The following CACHD1 variants were observed in gnomAD, a reference collection of about 807,000 sequenced individuals.
The protein encoded by CACHD1 is VWFA and cache domain-containing protein 1.
In CACHD1, 71 loss-of-function variants were observed where a neutral mutation model predicts 138.7. The observed-to-expected ratio is 0.51, with a 90% CI of 0.42 to 0.62. The LOEUF (loss-of-function observed/expected upper bound fraction) is 0.62. CACHD1 is among the 20% of genes least tolerant of loss of function. The pLI is 0.00. For synonymous variants in CACHD1, 578 were observed against 591.5 expected (o/e 0.98, Z 0.33); for missense variants, 1,389 against 1,625.3 (o/e 0.85, Z 2.50).
At chr1:64,632,571 G>A in intron 5 of CACHD1, 28 bp from the exon 6 acceptor site, 1 of 1,612,444 alleles carries the variant, frequency 6.2e-7, no homozygotes, top group Non-Finnish European at 8.5e-7. Context: ...AACCAAGACT[G>A]ACCCCAGAGA....
intron 1 of CACHD1, among the ~76,000 whole-genome samples, chr1:64,526,997 A>ATCTGTAGC (rs1646544665): frequency 6.6e-6 from 1 of 152,208 alleles, no homozygotes; most frequent in Non-Finnish European, 1.5e-5. Context: ...TATACGTTTG[A>ATCTGTAGC]TCTGTAGCGA....
At chr1:64,674,020 C>T (rs1249239584) in intron 19 of CACHD1, among the ~76,000 whole-genome samples, 1 of 152,030 alleles carries the variant, frequency 6.6e-6, no homozygotes, top group Non-Finnish European at 1.5e-5. Flanking sequence ...TATAAATAAT[C>T]CTAGTTGGGA....
At chr1:64,516,551 C>T (rs1367930824) in intron 1 of CACHD1, among the ~76,000 whole-genome samples, 1 of 152,122 alleles carries the variant, frequency 6.6e-6, no homozygotes, top group Non-Finnish European at 1.5e-5. Flanking sequence ...AAAGGAATGA[C>T]CAAATGATGA....
At chr1:64,558,022 C>T (rs1646811576) in intron 2 of CACHD1, among the ~76,000 whole-genome samples, 1 of 152,122 alleles carries the variant, frequency 6.6e-6, no homozygotes, top group Non-Finnish European at 1.5e-5. Context: ...TTTTCTCGAA[C>T]TCCTGACCTT....
intron 2 of CACHD1, among the ~76,000 whole-genome samples, chr1:64,552,863 T>C (rs1044908599): frequency 2.0e-5 from 3 of 152,256 alleles, no homozygotes; most frequent in African/African-American, 7.2e-5. Flanking sequence ...AAACTGTCTT[T>C]ATCTGAATAA....
intron 6 of CACHD1, 120 bp from the exon 7 acceptor site, chr1:64,633,924 C>T (rs1277715720): frequency 8.7e-6 from 6 of 686,198 alleles, no homozygotes; most frequent in Non-Finnish European, 1.2e-5. Flanking sequence ...TATTTTGAAA[C>T]TCTCAGAATC....
chr1:64,562,409 CTTTTTTT>C (rs55746551), intron 2 of CACHD1, among the ~76,000 whole-genome samples: 10 of 109,922 alleles, frequency 9.1e-5, no homozygotes, highest in Middle Eastern at 4.8e-3. Flanking sequence ...GCAGAATTTC[CTTTTTTT>C]TTTTTTTTTT....
intron 1 of CACHD1, among the ~76,000 whole-genome samples, chr1:64,512,351 A>G (rs987414726): frequency 1.4e-5 from 2 of 143,998 alleles, no homozygotes; most frequent in Non-Finnish European, 3.0e-5. Flanking sequence ...CTGAGATTGC[A>G]CCACTGCACT....
intron 7 of CACHD1, among the ~76,000 whole-genome samples, chr1:64,635,680 C>A (rs1420584585): frequency 6.6e-6 from 1 of 151,734 alleles, no homozygotes; most frequent in Non-Finnish European, 1.5e-5. Flanking sequence ...CACGCCTGGC[C>A]TCTAATTTAA....
intron 4 of CACHD1, among the ~76,000 whole-genome samples, chr1:64,625,627 AG>A (rs1369659214): frequency 9.4e-5 from 13 of 138,630 alleles, no homozygotes; most frequent in African/African-American, 4.1e-4. Flanking sequence ...ACTCAGTCTC[AG>A]AAAAAAAAAA....
chr1:64,662,213 T>G (rs1356191722), intron 13 of CACHD1, among the ~76,000 whole-genome samples: 3 of 152,240 alleles, frequency 2.0e-5, no homozygotes, highest in Non-Finnish European at 4.4e-5. Context: ...TACATGCTTT[T>G]GGCAGAGATT....
At chr1:64,536,391 T>C (rs980836067) in intron 1 of CACHD1, among the ~76,000 whole-genome samples, 1 of 152,210 alleles carries the variant, frequency 6.6e-6, no homozygotes, top group African/African-American at 2.4e-5. Flanking sequence ...ATTAAATATT[T>C]ACTTGGTGGG....
chr1:64,477,779 C>A (rs542715366), intron 1 of CACHD1, among the ~76,000 whole-genome samples: 1 of 151,090 alleles, frequency 6.6e-6, no homozygotes, highest in Non-Finnish European at 1.5e-5. Context: ...GGACTACAGG[C>A]GCCTGCCACC....
intron 1 of CACHD1, among the ~76,000 whole-genome samples, chr1:64,524,697 A>G (rs571920994): frequency 2.0e-5 from 3 of 152,352 alleles, no homozygotes; most frequent in South Asian, 4.1e-4. Context: ...GATTGCAAGA[A>G]TAATTGAGTG....
chr1:64,691,898 A>G lies in CACHD1; in HGVS notation c.*337A>G, dbSNP rs1413612183. The G allele has an allele frequency of 6.7e-6, 2 of 297,234 alleles. No individual in the cohort carries two copies. The highest frequency in any genetic ancestry group is 1.3e-4 in the East Asian group (2 of 15,188). The allele number at this position is 297,234 out of a possible 1,614,324, so 18.4% of individuals were successfully genotyped here. On this transcript the variant is annotated 3_prime_UTR_variant, in exon 27 of 27. Coordinates refer to ENST00000651257, the MANE Select transcript of CACHD1 (RefSeq NM_020925.4). ...GCTGAGCCAGAGGAATGTTCCAAAG[A>G]GCCAGAAGCATTCAGCTCTCCTTAA...
chr1:64,673,831 C>A (rs1649897328), intron 19 of CACHD1, among the ~76,000 whole-genome samples: 2 of 152,166 alleles, frequency 1.3e-5, no homozygotes, highest in Admixed American at 6.5e-5. Context: ...CACTCGGGCT[C>A]CTTAAATTCC....
At chr1:64,597,359 C>G (rs1344007056) in intron 3 of CACHD1, among the ~76,000 whole-genome samples, 1 of 152,032 alleles carries the variant, frequency 6.6e-6, no homozygotes, top group Non-Finnish European at 1.5e-5. Context: ...GTTTGCACAT[C>G]AGAGCAAACG....
chr1:64,547,606 A>G (rs539946978), intron 1 of CACHD1, among the ~76,000 whole-genome samples: 1 of 152,244 alleles, frequency 6.6e-6, no homozygotes, highest in Admixed American at 6.5e-5. Context: ...ACCTCAGGTG[A>G]TCTGCCCACC....
At chr1:64,621,891 A>G (rs1375701790) in intron 4 of CACHD1, among the ~76,000 whole-genome samples, 1 of 152,166 alleles carries the variant, frequency 6.6e-6, no homozygotes, top group African/African-American at 2.4e-5. Flanking sequence ...GCAAAGCAAC[A>G]GGGGATTTGA....
Sources: gnomAD v4.1 joint callset for allele counts (sites outside exome capture counted in the v4.1 genomes callset) on GRCh38, gnomAD v4.1.1 for gene constraint, MANE v1.5 for transcripts, NCBI Gene and HGNC (gene_info 2026-07-23, HGNC 2026-07-21) for gene names.